PDZRN4: variants seen among roughly 807,000 people sequenced by gnomAD.
The protein encoded by PDZRN4 is PDZ domain-containing RING finger protein 4.
In PDZRN4, 70 loss-of-function variants were observed where a neutral mutation model predicts 99.0. The observed-to-expected ratio is 0.71, with a 90% confidence interval of 0.58 to 0.86. PDZRN4 has a LOEUF of 0.86. PDZRN4 is among the 40% of genes least tolerant of loss of function. The pLI, the probability that PDZRN4 is intolerant of heterozygous loss-of-function variation, is 0.00. For missense variants in PDZRN4, 1,474 were observed against 1,331.2 expected, an observed-to-expected ratio of 1.11 and a Z score of -1.67; for synonymous variants, 551 against 501.6, an observed-to-expected ratio of 1.10 and a Z score of -1.32.
chr12:41,499,221 TAG>T (rs1489571035), intron 3 of PDZRN4, among the ~76,000 whole-genome samples: 1 of 151,896 alleles, frequency 6.6e-6, no homozygotes, highest in East Asian at 1.9e-4. Context: ...AAAAAAACAG[TAG>T]AGATCCTGGG....
chr12:41,302,785 C>T (rs1414002023), intron 3 of PDZRN4, among the ~76,000 whole-genome samples: 1 of 151,964 alleles, frequency 6.6e-6, no homozygotes. Context: ...TTGCACTCCT[C>T]CCCCATCCAT....
intron 3 of PDZRN4, among the ~76,000 whole-genome samples, chr12:41,240,704 T>C (rs764936289): frequency 5.9e-5 from 9 of 152,204 alleles, no homozygotes; most frequent in African/African-American, 9.6e-5. Context: ...GGGGATTCAC[T>C]TCCTTGTAGA....
chr12:41,220,981 A>G (rs1714330542), intron 3 of PDZRN4, among the ~76,000 whole-genome samples: 1 of 152,154 alleles, frequency 6.6e-6, no homozygotes, highest in Admixed American at 6.6e-5. Context: ...TTTTCTGTGG[A>G]CATAGAGGTG....
intron 3 of PDZRN4, among the ~76,000 whole-genome samples, chr12:41,482,919 C>A (rs1253612645): frequency 1.3e-5 from 2 of 151,884 alleles, no homozygotes; most frequent in Non-Finnish European, 2.9e-5. Context: ...AGGATCAACC[C>A]TCAGTGTTTC....
chr12:41,276,691 A>G (rs1951351964), intron 3 of PDZRN4, among the ~76,000 whole-genome samples: 1 of 152,192 alleles, frequency 6.6e-6, no homozygotes, highest in Admixed American at 6.5e-5. Context: ...AATCACTATG[A>G]GATTTATTTT....
chr12:41,543,983 T>A (rs1938905015), intron 5 of PDZRN4, among the ~76,000 whole-genome samples: 1 of 152,112 alleles, frequency 6.6e-6, no homozygotes, highest in Non-Finnish European at 1.5e-5. Flanking sequence ...AATTTTAGGG[T>A]CATATTTCCA....
chr12:41,323,204 A>T (rs1313453899), intron 3 of PDZRN4, among the ~76,000 whole-genome samples: 1 of 152,202 alleles, frequency 6.6e-6, no homozygotes, highest in Non-Finnish European at 1.5e-5. Context: ...CTTCAAATTG[A>T]CAGGAGGACT....
At chr12:41,268,116 A>AT (rs58935194) in intron 3 of PDZRN4, among the ~76,000 whole-genome samples, 21,885 of 152,020 alleles carry the variant, frequency 0.14, 2,278 homozygotes, top group African/African-American at 0.29. Context: ...CAAAAGAGGC[A>AT]TTTTTTTTAT....
chr12:41,539,099 A>G (rs771223237), intron 5 of PDZRN4, among the ~76,000 whole-genome samples: 1 of 151,148 alleles, frequency 6.6e-6, no homozygotes, highest in South Asian at 2.1e-4. Flanking sequence ...ATATGTGTGT[A>G]TATATATATA....
At chr12:41,256,047 A>T (rs1951202852) in intron 3 of PDZRN4, among the ~76,000 whole-genome samples, 1 of 152,210 alleles carries the variant, frequency 6.6e-6, no homozygotes, top group Non-Finnish European at 1.5e-5. Context: ...GCTCTTGAGG[A>T]TTCACATTCT....
Position 41,567,871 on chromosome 12 carries a change from T to C in PDZRN4, c.1556T>C (p.Met519Thr), listed in dbSNP as rs1239723840. The C allele has an allele frequency of 6.2e-7, 1 of 1,611,074 alleles. No homozygotes were observed. The highest frequency in any genetic ancestry group is 8.5e-7 in the Non-Finnish European group (1 of 1,177,796). The stretch of plus-strand genomic sequence containing the variant: ...TTGGAAGAAGAGCATAATGAAGCAA[T>C]GCAGCCCACTGCCAATGAGGTGGAG... ...EMLEEEHNEA[M>T]QPTANEVEQP... The change falls in exon 9 of 10, where the codon ATG becomes ACG. Residue 519 changes from methionine to threonine, a missense_variant. By Grantham distance (81) the Met-to-Thr change is moderately conservative. Transcript: ENST00000402685.
intron 3 of PDZRN4, among the ~76,000 whole-genome samples, chr12:41,340,002 T>C (rs182789414): frequency 1.1e-4 from 16 of 152,220 alleles, no homozygotes; most frequent in Admixed American, 7.9e-4. Context: ...ACAGCCACTA[T>C]GAATAACCTT....
intron 2 of PDZRN4, among the ~76,000 whole-genome samples, chr12:41,193,411 G>A (rs757131705): frequency 6.6e-6 from 1 of 152,146 alleles, no homozygotes; most frequent in Non-Finnish European, 1.5e-5. Flanking sequence ...TTGACTTCTT[G>A]TGACTGGCTA....
chr12:41,567,563 C>G (rs1164650700), intron 8 of PDZRN4, among the ~76,000 whole-genome samples: 2 of 150,094 alleles, frequency 1.3e-5, no homozygotes, highest in Non-Finnish European at 3.0e-5. Flanking sequence ...GAGAGAAAAT[C>G]TGTAGTCCCA....
chr12:41,214,424 G>A (rs748064073), intron 3 of PDZRN4, among the ~76,000 whole-genome samples: 1 of 19,210 alleles, frequency 5.2e-5, no homozygotes, highest in Non-Finnish European at 1.0e-4. Flanking sequence ...AGGAGACCCT[G>A]TCCCCTAAAA....
chr12:41,499,151 T>A lies in PDZRN4; in HGVS notation c.844-7305T>A, dbSNP rs576675615. Among the ~76,000 whole-genome samples the A allele has an allele frequency of 4.6e-5, 7 of 152,114 alleles. No homozygotes were observed. The South Asian group carries it at 1.5e-3, about 32-fold the overall frequency. ...ATTGTGAGCAGAGCCAAGCAAGAGC[T>A]AGAGTCTTGGGGACTGGATAAAGAC... On this transcript the variant is annotated intron_variant, in intron 3 of 9. Transcript: ENST00000402685.
intron 3 of PDZRN4, among the ~76,000 whole-genome samples, chr12:41,261,716 C>T (rs942275707): frequency 2.0e-5 from 3 of 152,134 alleles, no homozygotes; most frequent in Non-Finnish European, 2.9e-5. Flanking sequence ...GTCTCGATCT[C>T]CTGACCTCGT....
At chr12:41,525,916 A>G (rs1938560201) in intron 5 of PDZRN4, among the ~76,000 whole-genome samples, 2 of 152,278 alleles carry the variant, frequency 1.3e-5, no homozygotes, top group African/African-American at 2.4e-5. Flanking sequence ...TTTCCCAAAC[A>G]TCGTAAAATA....
intron 3 of PDZRN4, among the ~76,000 whole-genome samples, chr12:41,299,789 C>A (rs1469318412): frequency 6.6e-6 from 1 of 151,918 alleles, no homozygotes; most frequent in East Asian, 1.9e-4. Context: ...ATTTCAGTCA[C>A]TAAAAGCCAT....
Sources: gnomAD v4.1 joint callset for allele counts (sites outside exome capture counted in the v4.1 genomes callset) on GRCh38, gnomAD v4.1.1 for gene constraint, MANE v1.5 for transcripts, NCBI Gene and HGNC (gene_info 2026-07-23, HGNC 2026-07-21) for gene names.